The following CATSPERD variants were observed in gnomAD, a reference collection of about 807,000 sequenced individuals.
The protein encoded by CATSPERD is catsper channel auxiliary subunit delta.
In CATSPERD, 86 loss-of-function variants were observed where a neutral mutation model predicts 98.1. The observed-to-expected ratio is 0.88, with a 90% CI of 0.74 to 1.05. The LOEUF (loss-of-function observed/expected upper bound fraction) is 1.05. CATSPERD is among the 50% of genes least tolerant of loss of function. The probability of loss-of-function intolerance (pLI) is 0.00; values close to 1 mark genes in which losing one functional copy is unlikely to be tolerated. For synonymous variants in CATSPERD, 394 were observed against 390.2 expected, an observed-to-expected ratio of 1.01 and a Z score of -0.12; for missense variants, 995 against 1,005.7, an observed-to-expected ratio of 0.99 and a Z score of 0.14.
intron 1 of CATSPERD, among the ~76,000 whole-genome samples, chr19:5,721,535 C>G (rs1264457592): frequency 6.6e-6 from 1 of 152,230 alleles, no homozygotes; most frequent in East Asian, 1.9e-4. Context: ...TCCGTTCCTG[C>G]CCTCAGGGAA....
At chr19:5,769,825 A>C (rs2056611278) in intron 18 of CATSPERD, among the ~76,000 whole-genome samples, 1 of 152,154 alleles carries the variant, frequency 6.6e-6, no homozygotes, top group African/African-American at 2.4e-5. Flanking sequence ...AGGGTGGCTC[A>C]TGCCTGTAAT....
Position 5,758,038 on chromosome 19 carries a change from C to T in CATSPERD, c.1368+106C>T, listed in dbSNP as rs565479016. On this transcript the variant is annotated intron_variant, in intron 14 of 21. Transcript: ENST00000381624. The stretch of plus-strand genomic sequence containing the variant: ...TTAGGAGTTTCCAGGGTACATAGCC[C>T]GTGGCCGTGCCCCGCGGTGGGAAGA... 5.1e-5 allele frequency: 45 copies of T among 884,788 alleles called. 1 individual carries two copies. The East Asian group carries it at 9.5e-4, about 19-fold the overall frequency. 54.8% of individuals were successfully genotyped at this position (884,788 alleles called of 1,614,324 possible).
At chr19:5,763,485 T>C (rs1280046070) in intron 16 of CATSPERD, among the ~76,000 whole-genome samples, 192 bp downstream of exon 16, 1 of 152,202 alleles carries the variant, frequency 6.6e-6, no homozygotes, top group Non-Finnish European at 1.5e-5. Flanking sequence ...AAAAAATTTA[T>C]GGATGCATGC....
intron 18 of CATSPERD, among the ~76,000 whole-genome samples, chr19:5,769,913 A>C (rs1599592447): frequency 6.6e-6 from 1 of 151,512 alleles, no homozygotes; most frequent in South Asian, 2.1e-4. Flanking sequence ...ACATGGTGAA[A>C]TCCCGTCTCT....
rs538612536 is a variant in CATSPERD, at chr19:5,730,491, T to C, written c.276+547T>C. Among the ~76,000 whole-genome samples, 4 of 150,866 alleles carry C rather than the reference T, an allele frequency of 2.7e-5. No homozygotes were observed. The South Asian group carries it at 8.4e-4, about 32-fold the overall frequency. ...CCAGGAGGTGGAGGTTGTAGTGGCCTGAGATCGAGGCACTGCACTCCAGCC... is the reference window on the plus strand; with the variant it reads ...CCAGGAGGTGGAGGTTGTAGTGGCCCGAGATCGAGGCACTGCACTCCAGCC... On this transcript the variant is annotated intron_variant, in intron 4 of 21. Transcript: ENST00000381624.
At chr19:5,771,583 C>CT (rs143776994) in intron 19 of CATSPERD, among the ~76,000 whole-genome samples, 4,062 of 140,274 alleles carry the variant, frequency 0.029, 192 homozygotes, top group African/African-American at 0.091. Flanking sequence ...TCTTCCTGTT[C>CT]TTTTTTTTTT....
intron 15 of CATSPERD, among the ~76,000 whole-genome samples, chr19:5,762,715 T>TAGATGGATGAGTGGATGGATAGAG (rs2056464672): frequency 6.7e-6 from 1 of 149,288 alleles, no homozygotes; most frequent in Non-Finnish European, 1.5e-5. Context: ...GATAAGTGGG[T>TAGATGGATGAGTGGATGGATAGAG]AGATGGATGA....
chr19:5,772,788 G>T lies in CATSPERD; in HGVS notation c.1764G>T (p.Leu588=), dbSNP rs2056673700. 1 of 1,613,264 alleles carries T rather than the reference G, an allele frequency of 6.2e-7. No individual in the cohort carries two copies. Among genetic ancestry groups the T allele is most frequent in the Admixed American group, 1.7e-5 (1 of 59,932 alleles). The change falls in exon 20 of 22, where the codon CTG becomes CTT. Residue 588 remains leucine (L), a splice_region_variant and synonymous_variant. Coordinates refer to ENST00000381624, the MANE Select transcript of CATSPERD (RefSeq NM_152784.4). ...GCCCTGCCCCGTGCCTGTGTCCTAG[G>T]TGGCGAAAAGACAGTTTCCAGGAGG... ...YDTLWKPVVE[L]WRKDSFQEVI...
intron 4 of CATSPERD, among the ~76,000 whole-genome samples, chr19:5,732,677 T>C (rs1436556986): frequency 2.6e-5 from 4 of 151,724 alleles, no homozygotes; most frequent in Non-Finnish European, 5.9e-5. Flanking sequence ...TTTGTTTTGT[T>C]TTGTTTTGTT....
At chr19:5,766,390 A>T (rs537497005) in intron 17 of CATSPERD, among the ~76,000 whole-genome samples, 62 of 151,098 alleles carry the variant, frequency 4.1e-4, no homozygotes, top group Non-Finnish European at 7.2e-4. Context: ...GGTGGAGGCT[A>T]CAGTGAGCTG....
intron 9 of CATSPERD, among the ~76,000 whole-genome samples, chr19:5,747,552 T>G (rs1401769187): frequency 6.6e-6 from 1 of 151,796 alleles, no homozygotes; most frequent in Non-Finnish European, 1.5e-5. Context: ...TCAATGGCCA[T>G]CCCTCTGAGC....
intron 19 of CATSPERD, 144 bp from the exon 20 acceptor site, chr19:5,772,644 C>T (rs897231818): frequency 7.8e-6 from 6 of 771,508 alleles, no homozygotes; most frequent in Admixed American, 2.5e-5. Context: ...GCATCCTCAG[C>T]TGGGAGCGGC....
At chr19:5,759,291 G>A (rs998238855) in intron 15 of CATSPERD, 147 bp downstream of exon 15, 2 of 770,354 alleles carry the variant, frequency 2.6e-6, no homozygotes, top group Non-Finnish European at 4.4e-6. Context: ...GCTGGGCGCG[G>A]TGGCTCACGC....
At chr19:5,774,641 A>G (rs1173166588) in intron 20 of CATSPERD, among the ~76,000 whole-genome samples, 1 of 152,158 alleles carries the variant, frequency 6.6e-6, no homozygotes, top group Non-Finnish European at 1.5e-5. Flanking sequence ...GTGAGCCGAA[A>G]CTGCACCACT....
intron 4 of CATSPERD, among the ~76,000 whole-genome samples, chr19:5,733,222 C>T (rs1240828864): frequency 6.6e-6 from 1 of 151,556 alleles, no homozygotes; most frequent in Admixed American, 6.6e-5. Flanking sequence ...TTGAAATCCT[C>T]ACCTCAGGTG....
intron 18 of CATSPERD, among the ~76,000 whole-genome samples, chr19:5,768,689 A>G (rs1187343945): frequency 1.3e-5 from 2 of 152,084 alleles, no homozygotes; most frequent in African/African-American, 4.8e-5. Flanking sequence ...GCTGGAGTGC[A>G]GCGATGCGAT....
intron 8 of CATSPERD, among the ~76,000 whole-genome samples, chr19:5,745,018 C>T (rs1053223795): frequency 4.6e-5 from 7 of 152,112 alleles, no homozygotes; most frequent in African/African-American, 1.7e-4. Context: ...TCTGGGCTCA[C>T]TGCAACCTCT....
chr19:5,727,147 AT>A, intron 2 of CATSPERD, 120 bp from the exon 3 acceptor site: 1 of 678,498 alleles, frequency 1.5e-6, no homozygotes, highest in Non-Finnish European at 2.5e-6. Context: ...GTGAGCCAAG[AT>A]TGTGCAACTG....
At chr19:5,772,751 G>A in intron 19 of CATSPERD, 37 bp from the exon 20 acceptor site, 1 of 1,592,606 alleles carries the variant, frequency 6.3e-7, no homozygotes, top group Non-Finnish European at 8.6e-7. Context: ...GGTTGTCCCT[G>A]CTCCCTGCAC....
Sources: allele counts gnomAD v4.1 joint callset (sites outside exome capture counted in the v4.1 genomes callset), GRCh38; gene constraint gnomAD v4.1.1; transcripts MANE v1.5; gene names NCBI Gene and HGNC (gene_info 2026-07-23, HGNC 2026-07-21).